Variants in SLC24A1 observed in about 807,000 individuals in gnomAD.
SLC24A1 encodes sodium/potassium/calcium exchanger 1.
A neutral mutation model predicts 88.1 loss-of-function variants in SLC24A1; 52 were observed. That is an observed-to-expected ratio of 0.59 (90% CI 0.47 to 0.74). The LOEUF is 0.74. Among genes scored for constraint, SLC24A1 ranks in the 30% least tolerant of loss-of-function variants. The probability of loss-of-function intolerance (pLI) is 0.00; values close to 1 mark genes in which losing one functional copy is unlikely to be tolerated. For missense variants in SLC24A1, 1,173 were observed against 1,363.3 expected, an observed-to-expected ratio of 0.86 and a Z score of 2.20; for synonymous variants, 455 against 498.0, an observed-to-expected ratio of 0.91 and a Z score of 1.15.
At chr15:65,630,140 C>A (rs2074663908) in intron 2 of SLC24A1, among the ~76,000 whole-genome samples, 1 of 152,002 alleles carries the variant, frequency 6.6e-6, no homozygotes, top group Non-Finnish European at 1.5e-5. Flanking sequence ...ATTTAAAAAA[C>A]TTTTTGTAGA....
At chr15:65,623,490 A>C (rs1293944661) in intron 1 of SLC24A1, among the ~76,000 whole-genome samples, 1 of 152,198 alleles carries the variant, frequency 6.6e-6, no homozygotes, top group Non-Finnish European at 1.5e-5. Flanking sequence ...TGGAGCCTTA[A>C]TGTCCCTGGC....
chr15:65,632,150 A>G (rs2074751330), intron 2 of SLC24A1, among the ~76,000 whole-genome samples: 1 of 152,212 alleles, frequency 6.6e-6, no homozygotes, highest in African/African-American at 2.4e-5. Context: ...TTCAAGCTCA[A>G]CAAGGGAATG....
intron 2 of SLC24A1, among the ~76,000 whole-genome samples, chr15:65,613,031 A>T (rs1012286084): frequency 6.6e-6 from 1 of 152,232 alleles, no homozygotes; most frequent in Non-Finnish European, 1.5e-5. Flanking sequence ...AGTGACTATA[A>T]CATCAGAGAA....
downstream of SLC24A1, among the ~76,000 whole-genome samples, chr15:65,658,964 C>T (rs2075762435): frequency 6.6e-6 from 1 of 152,030 alleles, no homozygotes; most frequent in Non-Finnish European, 1.5e-5. Flanking sequence ...AGAAATCCAA[C>T]CCCCAAGAAA....
rs1200054197 is a variant in SLC24A1, at chr15:65,624,661, G to C, written c.581G>C (p.Gly194Ala). 1.3e-6 allele frequency: 2 copies of C among 1,597,148 alleles called. No individual in the cohort carries two copies. Among genetic ancestry groups the C allele is most frequent in the East Asian group, 4.5e-5 (2 of 44,084 alleles). The change falls in exon 2 of 10, where the codon GGT (glycine) becomes GCT (alanine). Residue 194 changes from glycine (G) to alanine (A), a missense_variant. Physicochemically the swap from Gly to Ala is moderately conservative, Grantham distance 60. Coordinates refer to ENST00000261892, the MANE Select transcript of SLC24A1 (RefSeq NM_004727.3). ...EKVKYTPSPR[G>A]RRVGTYVPST... Reference sequence around the variant, plus strand: ...GTGAAGTATACTCCTTCCCCACGTGGTAGAAGAGTAGGCACTTACGTGCCG... The same window carrying C: ...GTGAAGTATACTCCTTCCCCACGTGCTAGAAGAGTAGGCACTTACGTGCCG...
At chr15:65,652,062 T>G (rs1315348167) in intron 8 of SLC24A1, 1 of 395,424 alleles carries the variant, frequency 2.5e-6, no homozygotes, top group Non-Finnish European at 4.8e-6. Flanking sequence ...CCCTCTCACC[T>G]GGTGAAATCC....
chr15:65,614,245 G>C (rs1461100295), intron 2 of SLC24A1, among the ~76,000 whole-genome samples: 1 of 152,144 alleles, frequency 6.6e-6, no homozygotes, highest in Non-Finnish European at 1.5e-5. Flanking sequence ...TTTTGATGGA[G>C]ATCCCTGATA....
chr15:65,653,916 T>A lies in SLC24A1; in HGVS notation c.3137T>A (p.Val1046Asp). ...VSSNGLFCAIVLLFLMLLFVI... is the reference protein window; with the variant it reads ...VSSNGLFCAIDLLFLMLLFVI... ...AGCAATGGCTTGTTTTGTGCAATTGTTTTGCTTTTTCTCATGCTTCTGTTT... is the reference window on the plus strand; with the variant it reads ...AGCAATGGCTTGTTTTGTGCAATTGATTTGCTTTTTCTCATGCTTCTGTTT... Residue 1046 changes from valine to aspartate, a missense_variant, in exon 10 of 10, where the codon GTT becomes GAT. By Grantham distance (152) the Val-to-Asp change is radical. Coordinates refer to ENST00000261892, the MANE Select transcript of SLC24A1 (RefSeq NM_004727.3). 2 of 1,614,030 alleles carry A rather than the reference T, an allele frequency of 1.2e-6. No individual in the cohort carries two copies. Among genetic ancestry groups the A allele is most frequent in the Non-Finnish European group, 1.7e-6 (2 of 1,179,888 alleles).
At chr15:65,657,185 A>G (rs1596363288), downstream of SLC24A1, among the ~76,000 whole-genome samples, 1 of 152,294 alleles carries the variant, frequency 6.6e-6, no homozygotes, top group East Asian at 1.9e-4. Flanking sequence ...TGGTTACTAT[A>G]TATTTTGAAC....
At chr15:65,617,568 A>C (rs1394943133), upstream of SLC24A1, among the ~76,000 whole-genome samples, 2 of 152,128 alleles carry the variant, frequency 1.3e-5, no homozygotes, top group Non-Finnish European at 2.9e-5. Context: ...ATTTTTGTAC[A>C]TTGATTTTGT....
chr15:65,656,500 C>T (rs1208028792), downstream of SLC24A1, among the ~76,000 whole-genome samples: 2 of 152,190 alleles, frequency 1.3e-5, no homozygotes, highest in Non-Finnish European at 2.9e-5. Context: ...CACACATTTA[C>T]AAACGTACTA....
chr15:65,637,623 C>G (rs2074985335), intron 2 of SLC24A1, among the ~76,000 whole-genome samples: 1 of 152,194 alleles, frequency 6.6e-6, no homozygotes, highest in South Asian at 2.1e-4. Flanking sequence ...ATGCTGGCCA[C>G]ACAGTGGTGA....
In SLC24A1 at chr15:65,647,982, C is replaced by T. The variant is rs566026553; in HGVS notation, c.2232+2279C>T. On this transcript the variant is annotated intron_variant, in intron 6 of 9. Transcript: ENST00000261892. ...CAATGGTTTAAAAAGCCTTCAGGGC[C>T]GGGTGCGGTGGCTCACGCCTGTAAT... is the stretch of plus-strand genomic sequence containing the variant. 2.6e-5 allele frequency among the ~76,000 whole-genome samples: 4 copies of T among 152,234 alleles called. No individual in the cohort carries two copies. In the South Asian group the frequency reaches 6.2e-4, roughly 24 times the overall value.
intron 7 of SLC24A1, 59 bp downstream of exon 7, chr15:65,651,001 C>G: frequency 6.9e-7 from 1 of 1,440,036 alleles, no homozygotes. Context: ...TGGGGTCTCT[C>G]GGCATGCGGG....
intron 7 of SLC24A1, among the ~76,000 whole-genome samples, chr15:65,651,239 G>A (rs560629725): frequency 1.3e-5 from 2 of 152,262 alleles, no homozygotes; most frequent in South Asian, 4.1e-4. Flanking sequence ...ATTTGAGAAT[G>A]ATACCACTAA....
At chr15:65,620,090 CTTTA>C (rs1343874696), upstream of SLC24A1, among the ~76,000 whole-genome samples, 3 of 149,584 alleles carry the variant, frequency 2.0e-5, no homozygotes, top group East Asian at 1.9e-4. Flanking sequence ...TAATAAATAA[CTTTA>C]TTTATAATAT....
intron 2 of SLC24A1, among the ~76,000 whole-genome samples, chr15:65,636,105 A>C (rs1210531094): frequency 1.3e-5 from 2 of 152,188 alleles, no homozygotes; most frequent in East Asian, 1.9e-4. Context: ...TGAGGGAAGC[A>C]ATGAGAAGGT....
At chr15:65,647,388 G>A (rs1262306129) in intron 6 of SLC24A1, among the ~76,000 whole-genome samples, 1 of 147,004 alleles carries the variant, frequency 6.8e-6, no homozygotes, top group East Asian at 2.1e-4. Context: ...TGAGGCAGGA[G>A]AATCACTTGA....
Position 65,624,089 on chromosome 15 carries a change from A to G in SLC24A1, c.9A>G (p.Lys3=). MG[K]LIRMGPQERW... is the part of the protein sequence containing the mutation. The stretch of plus-strand genomic sequence containing the variant: ...AGATATAACTGGCCAGCATGGGGAA[A>G]TTGATCAGGATGGGGCCGCAAGAGA... Residue 3 remains lysine, a synonymous_variant, in exon 2 of 10, where the codon AAA becomes AAG. Transcript: ENST00000261892. 6.3e-7 allele frequency: 1 copy of G among 1,583,092 alleles called. No homozygotes were observed. Among genetic ancestry groups the G allele is most frequent in the Non-Finnish European group, 8.6e-7 (1 of 1,166,794 alleles).
Sources: gnomAD v4.1 joint callset for allele counts (sites outside exome capture counted in the v4.1 genomes callset) on GRCh38, gnomAD v4.1.1 for gene constraint, MANE v1.5 for transcripts, NCBI Gene and HGNC (gene_info 2026-07-23, HGNC 2026-07-21) for gene names.